LDB2: variants seen among roughly 807,000 people sequenced by gnomAD.
The protein encoded by LDB2 is LIM domain-binding protein 2.
LDB2 carries 12 observed loss-of-function variants against 44.3 expected under a neutral mutation model. The ratio of observed to expected loss-of-function variants is 0.27; its 90% CI spans 0.17 to 0.44. LDB2 has a LOEUF of 0.44. Among genes scored for constraint, LDB2 ranks in the 20% least tolerant of loss-of-function variants. The pLI, the probability that LDB2 is intolerant of heterozygous loss-of-function variation, is 1.00. For missense variants in LDB2, 344 were observed against 473.5 expected (o/e 0.73, Z 2.54); for synonymous variants, 164 against 174.8 (o/e 0.94, Z 0.49).
chr4:16,881,208 G>T (rs542466143), intron 1 of LDB2, among the ~76,000 whole-genome samples: 3 of 152,354 alleles, frequency 2.0e-5, no homozygotes, highest in African/African-American at 4.8e-5. Flanking sequence ...GCTGACAAGT[G>T]AAGTTCAGCT....
intron 2 of LDB2, among the ~76,000 whole-genome samples, chr4:16,651,843 C>G (rs887725326): frequency 6.6e-6 from 1 of 152,096 alleles, no homozygotes; most frequent in African/African-American, 2.4e-5. Flanking sequence ...TGCTTTTAAC[C>G]AGGTGGGAGG....
At chr4:16,795,768 G>GTTAA (rs1309168131) in intron 1 of LDB2, among the ~76,000 whole-genome samples, 1 of 152,068 alleles carries the variant, frequency 6.6e-6, no homozygotes, top group Non-Finnish European at 1.5e-5. Flanking sequence ...TTAACCTGTA[G>GTTAA]GACCAGTACA....
intron 2 of LDB2, among the ~76,000 whole-genome samples, chr4:16,680,828 C>A (rs573622200): frequency 6.6e-6 from 1 of 152,328 alleles, no homozygotes; most frequent in East Asian, 1.9e-4. Flanking sequence ...TGCAACATGT[C>A]TGAATTCTCT....
chr4:16,798,486 C>G (rs1472642966), intron 1 of LDB2, among the ~76,000 whole-genome samples: 1 of 152,144 alleles, frequency 6.6e-6, no homozygotes, highest in Non-Finnish European at 1.5e-5. Flanking sequence ...GGAAACACAC[C>G]AACAAAATCA....
chr4:16,618,010 G>A (rs1578236965), intron 2 of LDB2, among the ~76,000 whole-genome samples: 1 of 148,982 alleles, frequency 6.7e-6, no homozygotes. Context: ...TTCTTTTTTT[G>A]AGCTCCCAAC....
intron 1 of LDB2, among the ~76,000 whole-genome samples, chr4:16,818,836 C>G (rs1781419209): frequency 6.6e-6 from 1 of 152,144 alleles, no homozygotes; most frequent in African/African-American, 2.4e-5. Context: ...TGTTAACTAT[C>G]ACACTCAATT....
intron 5 of LDB2, among the ~76,000 whole-genome samples, chr4:16,581,944 G>T: frequency 6.7e-6 from 1 of 149,886 alleles, no homozygotes; most frequent in African/African-American, 2.5e-5. Context: ...AAGAAAGGAA[G>T]GGAGGGAGGG....
chr4:16,743,206 C>A (rs1366331615), intron 2 of LDB2, among the ~76,000 whole-genome samples: 1 of 152,136 alleles, frequency 6.6e-6, no homozygotes, highest in African/African-American at 2.4e-5. Context: ...ATGAGAATTG[C>A]TTGAACCCAG....
chr4:16,829,027 A>G (rs1289901651), intron 1 of LDB2, among the ~76,000 whole-genome samples: 5 of 152,210 alleles, frequency 3.3e-5, no homozygotes, highest in African/African-American at 1.2e-4. Flanking sequence ...GAACACTTAC[A>G]TTCTCAGGTG....
chr4:16,856,032 AGAGAT>A (rs1789287310), intron 1 of LDB2, among the ~76,000 whole-genome samples: 1 of 152,206 alleles, frequency 6.6e-6, no homozygotes, highest in Non-Finnish European at 1.5e-5. Flanking sequence ...ATTTATCTCA[AGAGAT>A]TTCCAGAGTA....
chr4:16,859,735 TCA>T (rs1396554865), intron 1 of LDB2, among the ~76,000 whole-genome samples: 3 of 152,122 alleles, frequency 2.0e-5, no homozygotes, highest in South Asian at 2.1e-4. Flanking sequence ...GGCCACACAA[TCA>T]CAGTACCAGA....
intron 1 of LDB2, among the ~76,000 whole-genome samples, chr4:16,827,226 G>T (rs1783217464): frequency 1.3e-5 from 2 of 152,156 alleles, no homozygotes; most frequent in Non-Finnish European, 1.5e-5. Flanking sequence ...AGCAGAGAAG[G>T]CAGCTCCACT....
chr4:16,768,959 C>T (rs991399410), intron 1 of LDB2, among the ~76,000 whole-genome samples: 3 of 152,204 alleles, frequency 2.0e-5, no homozygotes, highest in African/African-American at 4.8e-5. Context: ...ACCCCAAGGA[C>T]TCTGGCTACT....
At chr4:16,684,008 G>T (rs762745463) in intron 2 of LDB2, among the ~76,000 whole-genome samples, 1 of 152,166 alleles carries the variant, frequency 6.6e-6, no homozygotes, top group Non-Finnish European at 1.5e-5. Flanking sequence ...GACCTGCCTA[G>T]ATATAAGGGA....
chr4:16,658,429 A>G (rs1740536919), intron 2 of LDB2, among the ~76,000 whole-genome samples: 1 of 152,200 alleles, frequency 6.6e-6, no homozygotes, highest in Non-Finnish European at 1.5e-5. Flanking sequence ...TAAACCTATC[A>G]GGAAAGTAAC....
chr4:16,551,126 A>G (rs1476945182), intron 5 of LDB2, among the ~76,000 whole-genome samples: 1 of 152,240 alleles, frequency 6.6e-6, no homozygotes, highest in African/African-American at 2.4e-5. Context: ...AGTAATGGTA[A>G]TTATAAGATT....
rs189931882 is a variant in LDB2, at chr4:16,517,987, G to A, written c.616-5883C>T. 3.9e-5 allele frequency among the ~76,000 whole-genome samples: 6 copies of A among 152,302 alleles called. No homozygotes were observed. In the East Asian group the frequency reaches 1.2e-3, roughly 29 times the overall value. On this transcript the variant is annotated intron_variant, in intron 5 of 7. Coordinates refer to ENST00000304523, the MANE Select transcript of LDB2 (RefSeq NM_001290.5). Reference sequence around the variant, plus strand: ...TCATTTGTTAATGACAGACAAATCAGGCATGGTCCTGTGTGCTCTGAAGTG... The same window carrying A: ...TCATTTGTTAATGACAGACAAATCAAGCATGGTCCTGTGTGCTCTGAAGTG...
At chr4:16,592,465 CATATATATATATATATATATAT>C (rs71589671) in intron 3 of LDB2, among the ~76,000 whole-genome samples, 10 of 116,604 alleles carry the variant, frequency 8.6e-5, no homozygotes, top group South Asian at 2.9e-4. Context: ...ATTATACATA[CATATATATATATATATATATAT>C]ATATATATAT....
At chr4:16,660,150 G>A (rs1327577716) in intron 2 of LDB2, among the ~76,000 whole-genome samples, 3 of 152,164 alleles carry the variant, frequency 2.0e-5, no homozygotes, top group Admixed American at 6.6e-5. Flanking sequence ...TAAAGAGATA[G>A]TGCCTACATT....
Sources: gnomAD v4.1 joint callset for allele counts (sites outside exome capture counted in the v4.1 genomes callset) on GRCh38, gnomAD v4.1.1 for gene constraint, MANE v1.5 for transcripts, NCBI Gene and HGNC (gene_info 2026-07-23, HGNC 2026-07-21) for gene names.